UTRN: variants seen among roughly 807,000 people sequenced by gnomAD.
The protein encoded by UTRN is dystrophin-related protein 1.
Under a neutral mutation model 463.9 loss-of-function variants are expected in UTRN, and 283 were observed. The observed-to-expected ratio is 0.61, with a 90% CI of 0.55 to 0.67. UTRN has a LOEUF of 0.67. Among genes scored for constraint, UTRN ranks in the 30% least tolerant of loss-of-function variants. The probability of loss-of-function intolerance (pLI) is 0.00; values close to 1 mark genes in which losing one functional copy is unlikely to be tolerated. For synonymous variants in UTRN, 1,442 were observed against 1,431.5 expected, an observed-to-expected ratio of 1.01 and a Z score of -0.17; for missense variants, 3,922 against 4,084.3, an observed-to-expected ratio of 0.96 and a Z score of 1.08.
intron 13 of UTRN, among the ~76,000 whole-genome samples, chr6:144,441,412 C>G (rs1233923367): frequency 6.6e-6 from 1 of 152,186 alleles, no homozygotes; most frequent in African/African-American, 2.4e-5. Flanking sequence ...GTGGGGTAGT[C>G]AAATCTTAAA....
intron 25 of UTRN, among the ~76,000 whole-genome samples, chr6:144,477,811 G>A (rs1167686488): frequency 6.6e-6 from 1 of 152,124 alleles, no homozygotes; most frequent in Non-Finnish European, 1.5e-5. Context: ...TGAGGAAATA[G>A]AAAATGGTTT....
intron 64 of UTRN, chr6:144,799,416 A>G (rs1777522784): frequency 2.1e-6 from 1 of 471,430 alleles, no homozygotes; most frequent in African/African-American, 2.0e-5. Flanking sequence ...GCAGACAGCT[A>G]GGGTAATAGA....
chr6:144,525,258 T>C (rs1796466613), intron 41 of UTRN, among the ~76,000 whole-genome samples: 1 of 152,152 alleles, frequency 6.6e-6, no homozygotes, highest in Non-Finnish European at 1.5e-5. Context: ...TCAGTAGGAT[T>C]GGTACCAATT....
chr6:144,707,485 T>C (rs373268961), intron 53 of UTRN, among the ~76,000 whole-genome samples: 1 of 152,298 alleles, frequency 6.6e-6, no homozygotes, highest in African/African-American at 2.4e-5. Context: ...TCACTTAATC[T>C]CACTGGACTC....
intron 51 of UTRN, among the ~76,000 whole-genome samples, chr6:144,640,944 G>T (rs971244263): frequency 3.3e-5 from 5 of 152,062 alleles, no homozygotes; most frequent in Admixed American, 3.3e-4. Context: ...TGAAATAAAA[G>T]ATTTTTTTCC....
chr6:144,426,331 G>T lies in UTRN; in HGVS notation c.450G>T (p.Thr150=). The T allele has an allele frequency of 6.2e-7, 1 of 1,613,928 alleles. No homozygotes were observed. The highest frequency in any genetic ancestry group is 8.5e-7 in the Non-Finnish European group (1 of 1,179,930). ...MKDVMSDLQQ[T]NSEKILLSWV... ...ATGTCATGTCGGACCTGCAGCAGACGAACAGTGAGAAGATCCTGCTCAGCT... is the reference window on the plus strand; with the variant it reads ...ATGTCATGTCGGACCTGCAGCAGACTAACAGTGAGAAGATCCTGCTCAGCT... The change falls in exon 7 of 75, where the codon ACG becomes ACT. Residue 150 remains threonine (T), a synonymous_variant. Coordinates refer to ENST00000367545, the MANE Select transcript of UTRN (RefSeq NM_007124.3).
chr6:144,586,416 TAA>T (rs1321782587), intron 51 of UTRN, among the ~76,000 whole-genome samples: 1 of 152,164 alleles, frequency 6.6e-6, no homozygotes, highest in Non-Finnish European at 1.5e-5. Flanking sequence ...CCTGATGACC[TAA>T]AATCACCCTA....
At chr6:144,673,655 A>C (rs2128680112) in intron 51 of UTRN, among the ~76,000 whole-genome samples, 1 of 152,180 alleles carries the variant, frequency 6.6e-6, no homozygotes, top group Middle Eastern at 3.4e-3. Context: ...GTTAGTATTG[A>C]GATGTGAGGT....
intron 71 of UTRN, 59 bp downstream of exon 71, chr6:144,836,600 A>G: frequency 1.9e-6 from 3 of 1,595,902 alleles, no homozygotes; most frequent in Non-Finnish European, 2.6e-6. Context: ...CTGCCCTGGG[A>G]GATGATGGTC....
rs1452212242 is a variant in UTRN at position 144,678,454 on chromosome 6, G to C, written c.7528G>C (p.Asp2510His). Residue 2510 changes from aspartate (D) to histidine (H), a missense_variant, in exon 52 of 75, where the codon GAC becomes CAC. Physicochemically the swap from Asp to His is moderately conservative, Grantham distance 81 (BLOSUM62 -1). Coordinates refer to ENST00000367545, the MANE Select transcript of UTRN (RefSeq NM_007124.3). ...CCACAATGACATATTTAAAAGCATT[G>C]ACGGAAACAGGCAGAAGATGGTAAA... is the stretch of plus-strand genomic sequence containing the variant. The part of the protein sequence containing the change: ...DAHNDIFKSI[D>H]GNRQKMVKAL... 1 of 1,613,352 alleles carries C rather than the reference G, an allele frequency of 6.2e-7. No individual in the cohort carries two copies. Among genetic ancestry groups the C allele is most frequent in the Admixed American group, 1.7e-5 (1 of 59,908 alleles).
At chr6:144,726,699 A>G (rs1280371376) in intron 53 of UTRN, among the ~76,000 whole-genome samples, 1 of 152,210 alleles carries the variant, frequency 6.6e-6, no homozygotes, top group Non-Finnish European at 1.5e-5. Flanking sequence ...GTGGAATGCT[A>G]CATTCAATAA....
chr6:144,325,456 G>A (rs1475470817), intron 2 of UTRN, among the ~76,000 whole-genome samples: 1 of 152,126 alleles, frequency 6.6e-6, no homozygotes, highest in Non-Finnish European at 1.5e-5. Flanking sequence ...CCAGTGCCAT[G>A]CTTTTGGACT....
intron 51 of UTRN, among the ~76,000 whole-genome samples, chr6:144,630,206 G>A (rs1776368422): frequency 6.6e-6 from 1 of 151,862 alleles, no homozygotes. Flanking sequence ...AATAAAAAAT[G>A]AAGTGGCATT....
intron 69 of UTRN, among the ~76,000 whole-genome samples, chr6:144,830,903 C>T (rs781235613): frequency 1.3e-5 from 2 of 152,146 alleles, no homozygotes; most frequent in African/African-American, 2.4e-5. Context: ...CCCAGTTCCA[C>T]ATTCAGTGAA....
chr6:144,674,215 A>G (rs9386074), intron 51 of UTRN, among the ~76,000 whole-genome samples: 18,367 of 118,030 alleles, frequency 0.16, 1,638 homozygotes, highest in East Asian at 0.57. Context: ...GGAAGTTTTC[A>G]TTGATTTTTT....
chr6:144,592,598 T>C (rs1473453681), intron 51 of UTRN, among the ~76,000 whole-genome samples: 3 of 152,148 alleles, frequency 2.0e-5, no homozygotes, highest in Admixed American at 2.0e-4. Context: ...CTCGATCTCT[T>C]GACCTCGTGA....
rs1778073998 is a variant in UTRN at position 144,644,308 on chromosome 6, CA to C, written c.7480-34094del. 2.0e-5 allele frequency among the ~76,000 whole-genome samples: 3 copies of C among 152,212 alleles called. No homozygotes were observed. The South Asian group carries it at 6.2e-4, about 32-fold the overall frequency. The stretch of plus-strand genomic sequence containing the variant: ...ACATGTCATTTTGGATCCAGAGATG[CA>C]AAATATAAGAGCTTCATACATAGGT... On this transcript the variant is annotated intron_variant, in intron 51 of 74. Coordinates refer to ENST00000367545, the MANE Select transcript of UTRN (RefSeq NM_007124.3).
At chr6:144,513,846 TTTAAGA>T (rs1419598477) in intron 35 of UTRN, 57 bp from the exon 36 acceptor site, 1 of 1,563,214 alleles carries the variant, frequency 6.4e-7, no homozygotes, top group Non-Finnish European at 8.7e-7. Context: ...TTAAATCTCT[TTTAAGA>T]TTATCATCTT....
At chr6:144,650,684 G>A (rs150398878) in intron 51 of UTRN, among the ~76,000 whole-genome samples, 1,655 of 152,266 alleles carry the variant, frequency 0.011, 27 homozygotes, top group African/African-American at 0.038. Flanking sequence ...GCCAAGGCGG[G>A]CAGATCACAA....
Sources: gnomAD v4.1 joint callset for allele counts (sites outside exome capture counted in the v4.1 genomes callset) on GRCh38, gnomAD v4.1.1 for gene constraint, MANE v1.5 for transcripts, NCBI Gene and HGNC (gene_info 2026-07-23, HGNC 2026-07-21) for gene names.